Variants in RSU1 observed in about 807,000 individuals in gnomAD.
RSU1 encodes the protein rsu-1.
RSU1 carries 26 observed loss-of-function variants against 31.1 expected under a neutral mutation model. The ratio of observed to expected loss-of-function variants is 0.84; its 90% confidence interval spans 0.61 to 1.16. RSU1 has a LOEUF of 1.16. Ranked by LOEUF, RSU1 falls within the 50% of genes most tolerant of loss-of-function variation. The probability of loss-of-function intolerance (pLI) is 0.00; values close to 1 mark genes in which losing one functional copy is unlikely to be tolerated. For synonymous variants in RSU1, 164 were observed against 136.3 expected (o/e 1.20, Z -1.41); for missense variants, 320 against 339.1 (o/e 0.94, Z 0.44).
At chr10:16,630,827 C>G (rs1250222756) in intron 8 of RSU1, among the ~76,000 whole-genome samples, 1 of 152,204 alleles carries the variant, frequency 6.6e-6, no homozygotes, top group Non-Finnish European at 1.5e-5. Flanking sequence ...CAAATGTCAT[C>G]TCCAATTTAA....
intron 4 of RSU1, 100 bp from the exon 5 acceptor site, chr10:16,755,089 T>C (rs768179338): frequency 2.2e-5 from 15 of 666,958 alleles, no homozygotes; most frequent in Admixed American, 1.2e-4. Flanking sequence ...TGTAAGACAG[T>C]GCCATGATCC....
chr10:16,734,682 A>G (rs1836588595), intron 7 of RSU1, among the ~76,000 whole-genome samples: 1 of 152,246 alleles, frequency 6.6e-6, no homozygotes, highest in South Asian at 2.1e-4. Context: ...ATGAATAAGC[A>G]GGTGAACAAT....
At chr10:16,741,074 C>T (rs1421704351) in intron 7 of RSU1, among the ~76,000 whole-genome samples, 3 of 152,132 alleles carry the variant, frequency 2.0e-5, no homozygotes, top group African/African-American at 7.2e-5. Flanking sequence ...TACAAAGCAA[C>T]AGTACTAAAG....
intron 8 of RSU1, among the ~76,000 whole-genome samples, chr10:16,615,570 A>G (rs938121329): frequency 6.6e-6 from 1 of 152,224 alleles, no homozygotes; most frequent in African/African-American, 2.4e-5. Context: ...CTCCAAATCA[A>G]CAGAATATAC....
At chr10:16,686,151 A>G (rs1302095212) in intron 8 of RSU1, among the ~76,000 whole-genome samples, 1 of 152,208 alleles carries the variant, frequency 6.6e-6, no homozygotes, top group African/African-American at 2.4e-5. Context: ...AAAACCTCCA[A>G]CAATGCCTGG....
chr10:16,638,807 G>A (rs1834391944), intron 8 of RSU1, among the ~76,000 whole-genome samples: 1 of 152,328 alleles, frequency 6.6e-6, no homozygotes, highest in South Asian at 2.1e-4. Context: ...TTCTACAACA[G>A]AGCATTAACT....
chr10:16,783,187 A>G (rs534708499), intron 2 of RSU1, among the ~76,000 whole-genome samples: 1 of 152,242 alleles, frequency 6.6e-6, no homozygotes, highest in African/African-American at 2.4e-5. Context: ...CTGGGATTAC[A>G]GGCATCAGCC....
chr10:16,691,719 C>CTGCTTTTTTTT (rs1300200064), intron 8 of RSU1, among the ~76,000 whole-genome samples: 1 of 109,080 alleles, frequency 9.2e-6, no homozygotes, highest in Non-Finnish European at 1.7e-5. Flanking sequence ...GAAGCTGCTG[C>CTGCTTTTTTTT]TTCTTTTTTT....
intron 3 of RSU1, among the ~76,000 whole-genome samples, chr10:16,776,489 A>AT (rs1038159171): frequency 1.3e-5 from 2 of 150,292 alleles, no homozygotes; most frequent in African/African-American, 5.0e-5. Context: ...AATAGTGTAT[A>AT]TTAAAAAAAA....
chr10:16,814,132 A>G (rs1371987203), intron 2 of RSU1, among the ~76,000 whole-genome samples: 1 of 152,180 alleles, frequency 6.6e-6, no homozygotes, highest in Non-Finnish European at 1.5e-5. Context: ...GTTACAGCTA[A>G]AAGTTTATCA....
rs202146157 is a variant in RSU1, at chr10:16,797,850, T to TTTCTTC, written c.110-15772_110-15767dup. Among the ~76,000 whole-genome samples, 107 of 125,866 alleles carry TTTCTTC rather than the reference T, an allele frequency of 8.5e-4. 2 individuals carry two copies. The highest frequency in any genetic ancestry group is 2.4e-3 in the East Asian group (11 of 4,514). The allele number at this position is 125,866 out of a possible 152,430, so 82.6% of individuals were successfully genotyped here. On this transcript the variant is annotated intron_variant, in intron 2 of 8. Coordinates refer to ENST00000345264, the MANE Select transcript of RSU1 (RefSeq NM_012425.4). ...CAAGAAACAGAAGTTAAAGTGGGGA[T>TTTCTTC]TTCTTCTTTTTTTTTTTTTTTTTTT...
chr10:16,782,109 G>C (rs748145217), intron 2 of RSU1, 25 bp from the exon 3 acceptor site: 1 of 1,525,314 alleles, frequency 6.6e-7, no homozygotes, highest in Non-Finnish European at 9.0e-7. Context: ...AAAAAAAAAA[G>C]GTCAGTCAGT....
rs190119286 is a variant in RSU1, at chr10:16,722,979, T to G, written c.599-27824A>C. 3.6e-3 allele frequency: 540 copies of G among 150,096 alleles called. 1 individual carries two copies. The highest frequency in any genetic ancestry group is 0.012 in the African/African-American group (470 of 40,716). The allele number at this position is 150,096 out of a possible 1,614,324, so 9.3% of individuals were successfully genotyped here. A position where few individuals can be genotyped will look rare whatever the true frequency, so the allele number is the denominator to read the frequency against. The stretch of plus-strand genomic sequence containing the variant: ...ACACACATATACATATATGTATATA[T>G]ACACACATATACATATATGCATATA... On this transcript the variant is annotated intron_variant, in intron 7 of 8. Coordinates refer to ENST00000345264, the MANE Select transcript of RSU1 (RefSeq NM_012425.4).
chr10:16,775,990 C>T (rs1837520818), intron 3 of RSU1, among the ~76,000 whole-genome samples: 1 of 152,128 alleles, frequency 6.6e-6, no homozygotes, highest in African/African-American at 2.4e-5. Flanking sequence ...TTTACATATT[C>T]CCCCCTCATG....
chr10:16,739,783 G>A (rs1272605547), intron 7 of RSU1, among the ~76,000 whole-genome samples: 2 of 151,952 alleles, frequency 1.3e-5, no homozygotes, highest in African/African-American at 2.4e-5. Context: ...GGCTAATTTT[G>A]TATTTTTTGT....
chr10:16,691,477 A>G (rs1057245839), intron 8 of RSU1, among the ~76,000 whole-genome samples: 2 of 151,740 alleles, frequency 1.3e-5, no homozygotes. Context: ...GGGTGACGAC[A>G]GCTGCTACAG....
chr10:16,803,142 AAAG>A (rs748236874), intron 2 of RSU1, among the ~76,000 whole-genome samples: 27 of 152,302 alleles, frequency 1.8e-4, no homozygotes, highest in Non-Finnish European at 3.2e-4. Flanking sequence ...AAGAATCAAC[AAAG>A]AAGAACTGAA....
chr10:16,638,752 G>A lies in RSU1; in HGVS notation c.732-45256C>T, dbSNP rs1023771263. Among the ~76,000 whole-genome samples, 7 of 152,186 alleles carry A rather than the reference G, an allele frequency of 4.6e-5. No homozygotes were observed. The South Asian group carries it at 8.3e-4, about 18-fold the overall frequency. Reference sequence around the variant, plus strand: ...CTTCTGAAATGCGAGGAGGCCTGGCGGGAATGGTGGGGTGCACGGAGGAGG... The same window carrying A: ...CTTCTGAAATGCGAGGAGGCCTGGCAGGAATGGTGGGGTGCACGGAGGAGG... On this transcript the variant is annotated intron_variant, in intron 8 of 8. Transcript: ENST00000345264.
chr10:16,692,257 C>G lies in RSU1; in HGVS notation c.731+2766G>C, dbSNP rs191620625. ...ATTTATCCAGAATCCTAACCACATT[C>G]AAATCAGTTAAAATAGTCTGTAACA... is the stretch of plus-strand genomic sequence containing the variant. On this transcript the variant is annotated intron_variant, in intron 8 of 8. Coordinates refer to ENST00000345264, the MANE Select transcript of RSU1 (RefSeq NM_012425.4). 8.3e-4 allele frequency among the ~76,000 whole-genome samples: 126 copies of G among 152,252 alleles called. 1 individual carries two copies. Among genetic ancestry groups the G allele is most frequent in the Admixed American group, 8.2e-3 (126 of 15,284 alleles).
Sources: allele counts gnomAD v4.1 joint callset (sites outside exome capture counted in the v4.1 genomes callset), GRCh38; gene constraint gnomAD v4.1.1; transcripts MANE v1.5; gene names NCBI Gene and HGNC (gene_info 2026-07-23, HGNC 2026-07-21).